XKR9: variants seen among roughly 807,000 people sequenced by gnomAD.
XKR9 encodes the protein XK-related protein 9.
XKR9 carries 32 observed loss-of-function variants against 32.0 expected under a neutral mutation model. The ratio of observed to expected loss-of-function variants is 1.00; its 90% CI spans 0.76 to 1.34. The LOEUF is 1.34. Ranked by LOEUF, XKR9 falls within the 40% of genes most tolerant of loss-of-function variation. The pLI, the probability that XKR9 is intolerant of heterozygous loss-of-function variation, is 0.00. For missense variants in XKR9, 546 were observed against 429.7 expected (o/e 1.27, Z -2.39); for synonymous variants, 168 against 143.4 (o/e 1.17, Z -1.22).
chr8:70,788,999 A>G (rs1382505678), intron 2 of XKR9, among the ~76,000 whole-genome samples: 3 of 152,058 alleles, frequency 2.0e-5, no homozygotes, highest in Non-Finnish European at 4.4e-5. Flanking sequence ...ATGAGAAAAT[A>G]TAGTGAAGTT....
At chr8:70,745,654 C>CTT (rs1364852353) in intron 2 of XKR9, among the ~76,000 whole-genome samples, 1 of 152,164 alleles carries the variant, frequency 6.6e-6, no homozygotes, top group Non-Finnish European at 1.5e-5. Context: ...TCCCCGTTGA[C>CTT]TTTTGAAGGC....
the XKR9 span, among the ~76,000 whole-genome samples, chr8:70,873,352 C>T: frequency 1.7e-3 from 253 of 152,216 alleles, 2 homozygotes; most frequent in Middle Eastern, 3.4e-3. Flanking sequence ...GCTGCCTTAC[C>T]GAGTAAGTCC....
the XKR9 span, among the ~76,000 whole-genome samples, chr8:70,993,320 C>A: frequency 6.6e-6 from 1 of 152,226 alleles, no homozygotes; most frequent in Admixed American, 6.5e-5. Context: ...GCTCATCATG[C>A]CAGGGAAAAT....
intron 4 of XKR9, among the ~76,000 whole-genome samples, chr8:70,720,544 C>T (rs1157514205): frequency 1.3e-5 from 2 of 152,140 alleles, no homozygotes; most frequent in Non-Finnish European, 2.9e-5. Flanking sequence ...TTTTCTGCAT[C>T]TGTTGAGATA....
the XKR9 span, among the ~76,000 whole-genome samples, chr8:70,955,597 G>A: frequency 1.3e-5 from 2 of 152,178 alleles, no homozygotes; most frequent in South Asian, 4.1e-4. Flanking sequence ...GGATCCCTTA[G>A]GGTCTTGCTT....
the XKR9 span, among the ~76,000 whole-genome samples, chr8:70,944,022 A>G: frequency 1.3e-5 from 2 of 152,174 alleles, no homozygotes; most frequent in African/African-American, 2.4e-5. Flanking sequence ...TAATTTTCTA[A>G]GTGTCAGATG....
the XKR9 span, among the ~76,000 whole-genome samples, chr8:70,797,633 A>G: frequency 6.6e-6 from 1 of 151,756 alleles, no homozygotes; most frequent in Non-Finnish European, 1.5e-5. Context: ...ATTTTGTGTC[A>G]TGGACATTTG....
the XKR9 span, among the ~76,000 whole-genome samples, chr8:71,020,752 G>T: frequency 3.3e-5 from 5 of 152,178 alleles, no homozygotes; most frequent in Admixed American, 6.5e-5. Context: ...CCATTCCAAT[G>T]TGTTGAGAAC....
chr8:70,975,496 G>A, the XKR9 span, among the ~76,000 whole-genome samples: 157 of 152,242 alleles, frequency 1.0e-3, 2 homozygotes, highest in Non-Finnish European at 1.8e-3. Context: ...TATTAAATAC[G>A]GAATCCTTTC....
chr8:71,038,750 C>CAA, the XKR9 span, among the ~76,000 whole-genome samples: 2 of 97,536 alleles, frequency 2.1e-5, no homozygotes, highest in Non-Finnish European at 4.0e-5. Context: ...TCTCAATTTT[C>CAA]AAAAAAAAAA....
At chr8:70,965,479 G>A in the XKR9 span, among the ~76,000 whole-genome samples, 1 of 152,128 alleles carries the variant, frequency 6.6e-6, no homozygotes, top group African/African-American at 2.4e-5. Context: ...TAGTTGCGGA[G>A]GAGTACCTCG....
At chr8:70,810,958 A>T in the XKR9 span, among the ~76,000 whole-genome samples, 13 of 152,344 alleles carry the variant, frequency 8.5e-5, no homozygotes, top group Non-Finnish European at 1.9e-4. Context: ...CATCTACAGA[A>T]GCCTCCACCC....
chr8:70,794,493 A>G (rs966295199), downstream of XKR9, among the ~76,000 whole-genome samples: 91 of 152,178 alleles, frequency 6.0e-4, no homozygotes, highest in African/African-American at 2.1e-3. Context: ...TAGGTTTTTC[A>G]TATGACCTTT....
intron 3 of XKR9, among the ~76,000 whole-genome samples, chr8:70,686,768 T>G (rs1314880391): frequency 5.3e-5 from 8 of 152,200 alleles, no homozygotes; most frequent in Admixed American, 5.2e-4. Flanking sequence ...TTACCTTTAC[T>G]CCTTTAGGTG....
Position 70,772,108 on chromosome 8 carries a change from C to G in XKR9, n.353-17231C>G, listed in dbSNP as rs1054209895. ...TTGCATTATACCTGATAAATTAATA[C>G]CATTAACACCTTGAGAATGTATTAT... is the stretch of plus-strand genomic sequence containing the variant. On this transcript the variant is annotated intron_variant and non_coding_transcript_variant, in intron 2 of 3. Transcript: ENST00000520273. Among the ~76,000 whole-genome samples the G allele has an allele frequency of 6.6e-5, 10 of 152,128 alleles. No homozygotes were observed. In the East Asian group the frequency reaches 1.2e-3, roughly 18 times the overall value.
At chr8:70,870,270 G>A in the XKR9 span, among the ~76,000 whole-genome samples, 5 of 152,200 alleles carry the variant, frequency 3.3e-5, no homozygotes, top group African/African-American at 1.2e-4. Flanking sequence ...TGCCACAAAT[G>A]TGATGGGTAC....
chr8:70,978,784 C>T, the XKR9 span, among the ~76,000 whole-genome samples: 2 of 152,128 alleles, frequency 1.3e-5, no homozygotes, highest in East Asian at 3.8e-4. Context: ...GTTGGCCTGC[C>T]TTGCTATGAT....
the XKR9 span, among the ~76,000 whole-genome samples, chr8:71,042,277 T>A: frequency 6.6e-6 from 1 of 152,086 alleles, no homozygotes; most frequent in Non-Finnish European, 1.5e-5. Context: ...GTAATCTGCC[T>A]TGGGTTCAGG....
rs958185104 is a variant in XKR9, at chr8:70,752,544, C to T, written n.353-36795C>T. On this transcript the variant is annotated intron_variant and non_coding_transcript_variant, in intron 2 of 3. Transcript: ENST00000520273. ...CAGTCCTGTGAGAGTGAGAATTTAC[C>T]CCTAAAAGGCATTAATCCCCCTTAA... Among the ~76,000 whole-genome samples, 18 of 152,062 alleles carry T rather than the reference C, an allele frequency of 1.2e-4. 1 individual carries two copies. The highest frequency in any genetic ancestry group is 9.8e-4 in the Admixed American group (15 of 15,264).
Sources: allele counts gnomAD v4.1 joint callset (sites outside exome capture counted in the v4.1 genomes callset), GRCh38; gene constraint gnomAD v4.1.1; transcripts MANE v1.5; gene names NCBI Gene and HGNC (gene_info 2026-07-23, HGNC 2026-07-21).